The following ADAM32 variants were observed in gnomAD, a reference collection of about 807,000 sequenced individuals.
ADAM32 encodes disintegrin and metalloproteinase domain-containing protein 32.
ADAM32 carries 89 observed loss-of-function variants against 114.9 expected under a neutral mutation model. That is an observed-to-expected ratio of 0.77 (90% CI 0.65 to 0.92). ADAM32 has a LOEUF of 0.92. ADAM32 is among the 40% of genes least tolerant of loss of function. The pLI, the probability that ADAM32 is intolerant of heterozygous loss-of-function variation, is 0.00. For missense variants in ADAM32, 870 were observed against 932.8 expected (o/e 0.93, Z 0.88); for synonymous variants, 285 against 307.5 (o/e 0.93, Z 0.77).
At chr8:39,166,742 A>C (rs1444787656) in intron 9 of ADAM32, 1 of 152,084 alleles carries the variant, frequency 6.6e-6, no homozygotes, top group Admixed American at 6.6e-5. Context: ...TTGGAGGAGT[A>C]AGGTGGTTTT....
At chr8:39,119,097 A>G (rs1840494703) in intron 2 of ADAM32, among the ~76,000 whole-genome samples, 1 of 152,220 alleles carries the variant, frequency 6.6e-6, no homozygotes, top group African/African-American at 2.4e-5. Flanking sequence ...ATATGTGGAT[A>G]TACCACATTT....
intron 14 of ADAM32, among the ~76,000 whole-genome samples, chr8:39,230,544 A>C (rs981756925): frequency 2.6e-5 from 4 of 152,204 alleles, no homozygotes; most frequent in African/African-American, 9.6e-5. Context: ...ATAATCTCTC[A>C]GTGTTTAACA....
intron 2 of ADAM32, among the ~76,000 whole-genome samples, chr8:39,136,295 G>C (rs942850156): frequency 2.6e-5 from 4 of 152,096 alleles, no homozygotes; most frequent in African/African-American, 9.7e-5. Context: ...TTTTATGGTG[G>C]ACAGAGTAAG....
At chr8:39,274,448 T>A in intron 21 of ADAM32, 98 bp downstream of exon 21, 1 of 1,391,324 alleles carries the variant, frequency 7.2e-7, no homozygotes, top group Admixed American at 1.9e-5. Flanking sequence ...ACAATGTCAA[T>A]TGGTAAAGCA....
At chr8:39,117,652 CT>C (rs575988633) in intron 1 of ADAM32, among the ~76,000 whole-genome samples, 4 of 150,946 alleles carry the variant, frequency 2.6e-5, no homozygotes, top group Admixed American at 6.6e-5. Flanking sequence ...ACATGATTTT[CT>C]TTTTTTTTCT....
intron 16 of ADAM32, among the ~76,000 whole-genome samples, chr8:39,244,090 G>T (rs1369764580): frequency 1.3e-5 from 2 of 151,978 alleles, no homozygotes; most frequent in Non-Finnish European, 2.9e-5. Context: ...AAGGAAAACT[G>T]TGAAACATTG....
rs1173787686 is a variant in ADAM32 at position 39,214,320 on chromosome 8, C to T, written c.1233+2996C>T. On this transcript the variant is annotated intron_variant, in intron 12 of 24. Coordinates refer to ENST00000379907, the MANE Select transcript of ADAM32 (RefSeq NM_145004.7). ...CTCCCACCAACAGTGTACAAGTATT[C>T]CCTTTTCTCCATATCTTCACTAGCA... Among the ~76,000 whole-genome samples the T allele has an allele frequency of 3.3e-5, 5 of 152,110 alleles. No homozygotes were observed. The East Asian group carries it at 9.6e-4, about 29-fold the overall frequency.
At chr8:39,166,315 T>A (rs889068144) in intron 9 of ADAM32, 1 of 152,254 alleles carries the variant, frequency 6.6e-6, no homozygotes, top group Admixed American at 6.5e-5. Flanking sequence ...ATTCTTGAGT[T>A]ACTTCACTTA....
At chr8:39,179,601 GA>G (rs1230706757) in intron 10 of ADAM32, among the ~76,000 whole-genome samples, 53 of 152,280 alleles carry the variant, frequency 3.5e-4, no homozygotes, top group African/African-American at 1.2e-3. Flanking sequence ...GGGATCTCCT[GA>G]TCCATGGGCT....
intron 5 of ADAM32, among the ~76,000 whole-genome samples, chr8:39,150,647 T>C (rs1330055070): frequency 6.6e-6 from 1 of 152,212 alleles, no homozygotes; most frequent in Non-Finnish European, 1.5e-5. Flanking sequence ...AGGGTGTTTG[T>C]TTTCACAAAC....
chr8:39,171,531 A>G (rs1191697125), intron 10 of ADAM32, among the ~76,000 whole-genome samples: 2 of 152,068 alleles, frequency 1.3e-5, no homozygotes, highest in African/African-American at 4.8e-5. Flanking sequence ...TAATACTTAA[A>G]CATTTTTTAT....
At chr8:39,178,268 T>C (rs761391184) in intron 10 of ADAM32, among the ~76,000 whole-genome samples, 10 of 152,228 alleles carry the variant, frequency 6.6e-5, no homozygotes, top group Non-Finnish European at 1.3e-4. Context: ...AAAGACAGTC[T>C]TCAAGCTCTG....
chr8:39,174,788 T>A (rs1298417423), intron 10 of ADAM32, among the ~76,000 whole-genome samples: 1 of 143,448 alleles, frequency 7.0e-6, no homozygotes, highest in Non-Finnish European at 1.6e-5. Context: ...GTATGGCCAT[T>A]TTCATGATAT....
chr8:39,182,065 C>T (rs1013161111), intron 10 of ADAM32, among the ~76,000 whole-genome samples: 1 of 152,140 alleles, frequency 6.6e-6, no homozygotes, highest in African/African-American at 2.4e-5. Flanking sequence ...TAGTTTATAT[C>T]AAGACATTAT....
At chr8:39,130,862 G>C (rs187141758) in intron 2 of ADAM32, 22 of 456,554 alleles carry the variant, frequency 4.8e-5, no homozygotes, top group African/African-American at 4.4e-4. Flanking sequence ...TTCTGCAGTT[G>C]TTGGGTTAGT....
chr8:39,185,933 TCTGCTGGCAAGGG>T (rs144039528), intron 10 of ADAM32, among the ~76,000 whole-genome samples: 4,049 of 152,076 alleles, frequency 0.027, 205 homozygotes, highest in African/African-American at 0.092. Context: ...GAGGGCTTCC[TCTGCTGGCAAGGG>T]AAGTAAAGAG....
At chr8:39,239,970 C>T (rs1158493480) in intron 16 of ADAM32, among the ~76,000 whole-genome samples, 2 of 152,092 alleles carry the variant, frequency 1.3e-5, no homozygotes, top group African/African-American at 4.8e-5. Context: ...GATGGCAACA[C>T]AATAATAGTG....
At chr8:39,277,201 T>C (rs1813128314) in intron 22 of ADAM32, among the ~76,000 whole-genome samples, 1 of 152,240 alleles carries the variant, frequency 6.6e-6, no homozygotes, top group African/African-American at 2.4e-5. Context: ...CAGGGTTATT[T>C]ACCTCCATTC....
chr8:39,109,151 G>C (rs887654279), intron 1 of ADAM32, among the ~76,000 whole-genome samples: 8 of 152,188 alleles, frequency 5.3e-5, no homozygotes, highest in African/African-American at 1.9e-4. Context: ...CAATTTTTGA[G>C]ATTCTCAAAG....
Sources: gnomAD v4.1 joint callset for allele counts (sites outside exome capture counted in the v4.1 genomes callset) on GRCh38, gnomAD v4.1.1 for gene constraint, MANE v1.5 for transcripts, NCBI Gene and HGNC (gene_info 2026-07-23, HGNC 2026-07-21) for gene names.